The following RFTN1 variants were observed in gnomAD, a reference collection of about 807,000 sequenced individuals.
RFTN1 encodes the protein raftlin.
In RFTN1, 26 loss-of-function variants were observed where a neutral mutation model predicts 46.5. That is an observed-to-expected ratio of 0.56 (90% CI 0.41 to 0.78). RFTN1 has a LOEUF of 0.78. RFTN1 is among the 30% of genes least tolerant of loss of function. RFTN1 has a pLI of 0.00. For synonymous variants in RFTN1, 261 were observed against 284.2 expected (o/e 0.92, Z 0.82); for missense variants, 693 against 718.7 (o/e 0.96, Z 0.41).
At position 16,499,053 on chromosome 3, in the gene RFTN1, A is replaced by G. The variant is rs577964223; in HGVS notation, c.-8-5176T>C. The stretch of plus-strand genomic sequence containing the variant: ...GAAGGCAGAGGAAAAGGTCTAAGGA[A>G]TAGTACTGTCAGATGCAGACAGAAG... On this transcript the variant is annotated intron_variant, in intron 1 of 9. Transcript: ENST00000334133. This position sits in a 1 kb window ranked among gnomAD's most constrained non-coding sequence, Gnocchi z 4.9. Among the ~76,000 whole-genome samples the G allele has an allele frequency of 5.3e-5, 8 of 152,328 alleles. No individual in the cohort carries two copies.
intron 2 of RFTN1, chr3:16,472,381 G>A (rs1008697387): frequency 6.6e-6 from 1 of 152,344 alleles, no homozygotes; most frequent in South Asian, 2.1e-4. Context: ...AGAAGAAACA[G>A]AGATCATCCA....
chr3:16,377,214 TGAAGGG>T (rs2073809441), intron 5 of RFTN1, among the ~76,000 whole-genome samples: 1 of 151,878 alleles, frequency 6.6e-6, no homozygotes, highest in Non-Finnish European at 1.5e-5. Flanking sequence ...CAGAGAGGCG[TGAAGGG>T]ATGGTGGGTA....
At chr3:16,438,317 G>A (rs1257257051) in intron 2 of RFTN1, among the ~76,000 whole-genome samples, 3 of 152,012 alleles carry the variant, frequency 2.0e-5, no homozygotes, top group Non-Finnish European at 4.4e-5. Flanking sequence ...GGGCATGGTG[G>A]CTCACGCTTG....
Position 16,344,448 on chromosome 3 carries a change from G to A in RFTN1, c.1146+13484C>T, listed in dbSNP as rs2071509213. Among the ~76,000 whole-genome samples, 1 of 152,084 alleles carries A rather than the reference G, an allele frequency of 6.6e-6. No homozygotes were observed. The highest frequency in any genetic ancestry group is 2.4e-5 in the African/African-American group (1 of 41,380). ...GCGGCTCTGGTTGACACTGGCATGG[G>A]TGGGTGGTCCAGAGTCTTCCCCACT... is the stretch of plus-strand genomic sequence containing the variant. On this transcript the variant is annotated intron_variant, in intron 7 of 9. Transcript: ENST00000334133. The surrounding 1 kb of genome is among the most constrained non-coding windows in gnomAD (Gnocchi z 4.4).
rs541379964 is a variant in RFTN1 at position 16,359,019 on chromosome 3, G to A, written c.1031-972C>T. ...TGTACTTCAGCCTGGGTGACAGAGCGAGATTCTGTCTCCAAAAAAAAAAAA... is the reference window on the plus strand; with the variant it reads ...TGTACTTCAGCCTGGGTGACAGAGCAAGATTCTGTCTCCAAAAAAAAAAAA... On this transcript the variant is annotated intron_variant, in intron 6 of 9. Transcript: ENST00000334133. Among the ~76,000 whole-genome samples, 226 of 127,278 alleles carry A rather than the reference G, an allele frequency of 1.8e-3. 2 individuals carry two copies. The Admixed American group carries it at 0.018, about 10-fold the overall frequency. 83.5% of individuals were successfully genotyped at this position (127,278 alleles called of 152,430 possible).
rs1475058253 is a variant in RFTN1, at chr3:16,460,999, G to C, written c.146-26962C>G. Among the ~76,000 whole-genome samples, 1 of 152,246 alleles carries C rather than the reference G, an allele frequency of 6.6e-6. No individual in the cohort carries two copies. The highest frequency in any genetic ancestry group is 1.5e-5 in the Non-Finnish European group (1 of 68,034). The stretch of plus-strand genomic sequence containing the variant: ...GCTCAGCCATTTTGGAGAGTGAGAT[G>C]AGGAGGCCACGCCACAGAGGCCCTC... On this transcript the variant is annotated intron_variant, in intron 2 of 9. Coordinates refer to ENST00000334133, the MANE Select transcript of RFTN1 (RefSeq NM_015150.2). This position sits in a 1 kb window ranked among gnomAD's most constrained non-coding sequence, Gnocchi z 4.8.
chr3:16,351,419 A>G lies in RFTN1; in HGVS notation c.1146+6513T>C, dbSNP rs1181886614. ...AGGCTGGGGAAATGGGCAGAAGCGA[A>G]TAGTATGAAATAAAATGGGGGTTAA... On this transcript the variant is annotated intron_variant, in intron 7 of 9. Transcript: ENST00000334133. This position sits in a 1 kb window ranked among gnomAD's most constrained non-coding sequence, Gnocchi z 5.4. Among the ~76,000 whole-genome samples the G allele has an allele frequency of 6.6e-6, 1 of 152,236 alleles. No homozygotes were observed. The highest frequency in any genetic ancestry group is 1.5e-5 in the Non-Finnish European group (1 of 68,050).
At position 16,336,522 on chromosome 3, in the gene RFTN1, ATGT is replaced by A. The variant is rs1322245651; in HGVS notation, c.1147-9649_1147-9647del. ...GGACAGGCACGCTGGCCGGCTAGAG[ATGT>A]TGTTTTCTCCTTTGTTTTATGCACA... On this transcript the variant is annotated intron_variant, in intron 7 of 9. Coordinates refer to ENST00000334133, the MANE Select transcript of RFTN1 (RefSeq NM_015150.2). This position sits in a 1 kb window ranked among gnomAD's most constrained non-coding sequence, Gnocchi z 6.0. Among the ~76,000 whole-genome samples the A allele has an allele frequency of 4.6e-5, 7 of 152,160 alleles. No homozygotes were observed. The highest frequency in any genetic ancestry group is 1.9e-4 in the East Asian group (1 of 5,200).
At position 16,481,654 on chromosome 3, in the gene RFTN1, T is replaced by C. The variant is rs532187667; in HGVS notation, c.145+12071A>G. 2.0e-5 allele frequency among the ~76,000 whole-genome samples: 3 copies of C among 152,242 alleles called. No homozygotes were observed. In the South Asian group the frequency reaches 6.2e-4, roughly 32 times the overall value. The stretch of plus-strand genomic sequence containing the variant: ...ACACACACACACTCTCCATAAAAAC[T>C]CTGCTACACAATTTATTAATGAACA... On this transcript the variant is annotated intron_variant, in intron 2 of 9. Transcript: ENST00000334133. The surrounding 1 kb of genome is among the most constrained non-coding windows in gnomAD (Gnocchi z 5.1).
At chr3:16,357,727 A>G (rs1033206940) in intron 7 of RFTN1, among the ~76,000 whole-genome samples, 1 of 152,188 alleles carries the variant, frequency 6.6e-6, no homozygotes, top group Non-Finnish European at 1.5e-5. Context: ...TTTCTTGCAG[A>G]AAGGGAAGAG....
At chr3:16,463,409 C>T (rs2076039079) in intron 2 of RFTN1, among the ~76,000 whole-genome samples, 1 of 152,152 alleles carries the variant, frequency 6.6e-6, no homozygotes, top group Admixed American at 6.5e-5. Flanking sequence ...TTTCTATTAA[C>T]CTTTCTTCCA....
At chr3:16,366,470 T>C (rs2073179665) in intron 6 of RFTN1, among the ~76,000 whole-genome samples, 1 of 151,990 alleles carries the variant, frequency 6.6e-6, no homozygotes, top group African/African-American at 2.4e-5. Flanking sequence ...TTCCATCGGG[T>C]CCTGCCACCT....
rs2075821316 is a variant in RFTN1, at chr3:16,451,377, G to A, written c.146-17340C>T. Among the ~76,000 whole-genome samples the A allele has an allele frequency of 6.6e-6, 1 of 152,178 alleles. No homozygotes were observed. The highest frequency in any genetic ancestry group is 1.5e-5 in the Non-Finnish European group (1 of 68,034). On this transcript the variant is annotated intron_variant, in intron 2 of 9. Transcript: ENST00000334133. This position sits in a 1 kb window ranked among gnomAD's most constrained non-coding sequence, Gnocchi z 4.2. ...TGCATGCTGGACACGAAGTCTAATA[G>A]GGCACTCTCCAGTACACCCATGACT...
Position 16,459,548 on chromosome 3 carries a change from G to A in RFTN1, c.146-25511C>T, listed in dbSNP as rs190458256. On this transcript the variant is annotated intron_variant, in intron 2 of 9. Transcript: ENST00000334133. This position sits in a 1 kb window ranked among gnomAD's most constrained non-coding sequence, Gnocchi z 4.2. ...TTCAAGGCTACAGTGAGCTGTGATCGTGCCACTGCACTCAGCCTGGGTGAC... is the reference window on the plus strand; with the variant it reads ...TTCAAGGCTACAGTGAGCTGTGATCATGCCACTGCACTCAGCCTGGGTGAC... Among the ~76,000 whole-genome samples the A allele has an allele frequency of 1.5e-3, 227 of 152,176 alleles. 1 individual carries two copies. Among genetic ancestry groups the A allele is most frequent in the Middle Eastern group, 6.8e-3 (2 of 294 alleles).
chr3:16,357,133 A>AAAAAAAAAAC (rs2072499660), intron 7 of RFTN1, among the ~76,000 whole-genome samples: 1 of 139,480 alleles, frequency 7.2e-6, no homozygotes, highest in African/African-American at 3.0e-5. Flanking sequence ...AAAAAACAAA[A>AAAAAAAAAAC]AAACAAACAA....
At position 16,353,369 on chromosome 3, in the gene RFTN1, G is replaced by A. The variant is rs908410116; in HGVS notation, c.1146+4563C>T. Among the ~76,000 whole-genome samples the A allele has an allele frequency of 6.6e-6, 1 of 152,188 alleles. No homozygotes were observed. Among genetic ancestry groups the A allele is most frequent in the Non-Finnish European group, 1.5e-5 (1 of 68,034 alleles). On this transcript the variant is annotated intron_variant, in intron 7 of 9. Coordinates refer to ENST00000334133, the MANE Select transcript of RFTN1 (RefSeq NM_015150.2). This position sits in a 1 kb window ranked among gnomAD's most constrained non-coding sequence, Gnocchi z 5.4. The stretch of plus-strand genomic sequence containing the variant: ...CTGCAGGCCCAAGTCAGGGTCTGAC[G>A]GAGCCTCTTCAAAGAGCTGAGGTGC...
chr3:16,327,068 C>T lies in RFTN1; in HGVS notation c.1147-192G>A, dbSNP rs519819. ...AGTCAAACTGCCAACATGGGATTTC[C>T]TTCTGGGCCCCATTTCAGTCTGTGA... On this transcript the variant is annotated intron_variant, in intron 7 of 9. Transcript: ENST00000334133. The surrounding 1 kb of genome is among the most constrained non-coding windows in gnomAD (Gnocchi z 4.2). Among the ~76,000 whole-genome samples the T allele has an allele frequency of 0.59, 90,264 of 152,034 alleles. 27,075 individuals carry two copies. Among genetic ancestry groups the T allele is most frequent in the African/African-American group, 0.69 (28,475 of 41,474 alleles).
In RFTN1 at chr3:16,345,788, C is replaced by CTGTCTGTGTGTGTGTGTG. The variant is rs765619275; in HGVS notation, c.1146+12143_1146+12144insCACACACACACACAGACA. ...TGAGCCAAAACCTTATAATAAATCT[C>CTGTCTGTGTGTGTGTGTG]TGTGTGTGTGTGTGTGTGTGTGTGT... On this transcript the variant is annotated intron_variant, in intron 7 of 9. Coordinates refer to ENST00000334133, the MANE Select transcript of RFTN1 (RefSeq NM_015150.2). The surrounding 1 kb of genome is among the most constrained non-coding windows in gnomAD (Gnocchi z 5.2). 1.5e-4 allele frequency among the ~76,000 whole-genome samples: 19 copies of CTGTCTGTGTGTGTGTGTG among 127,240 alleles called. No homozygotes were observed. Among genetic ancestry groups the CTGTCTGTGTGTGTGTGTG allele is most frequent in the East Asian group, 4.4e-4 (2 of 4,528 alleles). 83.5% of individuals were successfully genotyped at this position (127,240 alleles called of 152,430 possible).
Position 16,426,749 on chromosome 3 carries a change from C to T in RFTN1, c.332+7102G>A, listed in dbSNP as rs1028826546. On this transcript the variant is annotated intron_variant, in intron 3 of 9. Coordinates refer to ENST00000334133, the MANE Select transcript of RFTN1 (RefSeq NM_015150.2). This position sits in a 1 kb window ranked among gnomAD's most constrained non-coding sequence, Gnocchi z 5.9. ...TATGTGGCTGCATTATTAAGATATACTTTTGGTACTGATAAATACGTAAAC... is the reference window on the plus strand; with the variant it reads ...TATGTGGCTGCATTATTAAGATATATTTTTGGTACTGATAAATACGTAAAC... Among the ~76,000 whole-genome samples the T allele has an allele frequency of 3.3e-5, 5 of 149,332 alleles. No homozygotes were observed. Among genetic ancestry groups the T allele is most frequent in the Admixed American group, 6.7e-5 (1 of 14,892 alleles).
Sources: gnomAD v4.1 joint callset for allele counts (sites outside exome capture counted in the v4.1 genomes callset) on GRCh38, gnomAD v4.1.1 for gene constraint, Gnocchi (gnomAD v3.1) non-coding constraint, MANE v1.5 for transcripts, NCBI Gene and HGNC (gene_info 2026-07-23, HGNC 2026-07-21) for gene names.